The following CACNA1A variants were observed in gnomAD, a reference collection of about 807,000 sequenced individuals.
CACNA1A encodes voltage-dependent P/Q-type calcium channel subunit alpha-1A.
In CACNA1A, 57 loss-of-function variants were observed where a neutral mutation model predicts 262.4. The ratio of observed to expected loss-of-function variants is 0.22; its 90% confidence interval spans 0.18 to 0.27. The LOEUF is 0.27. Ranked by LOEUF, CACNA1A falls within the 10% of genes least tolerant of loss-of-function variation. The pLI is 1.00. For missense variants in CACNA1A, 2,526 were observed against 3,562.8 expected (o/e 0.71, Z 7.41); for synonymous variants, 1,431 against 1,419.3 (o/e 1.01, Z -0.18).
At chr19:13,369,705 T>C (rs896903121) in intron 4 of CACNA1A, among the ~76,000 whole-genome samples, 4 of 152,260 alleles carry the variant, frequency 2.6e-5, no homozygotes, top group African/African-American at 9.6e-5. Context: ...GGTCACACTT[T>C]GTTGCCCAGG....
chr19:13,238,153 C>T (rs1242665600), intron 31 of CACNA1A, among the ~76,000 whole-genome samples: 1 of 152,162 alleles, frequency 6.6e-6, no homozygotes, highest in African/African-American at 2.4e-5. Flanking sequence ...TCCATCTCTT[C>T]CTGCATCAGT....
Position 13,359,627 on chromosome 19 carries a change from C to A in CACNA1A, c.957G>T (p.Gly319=). The change falls in exon 6 of 47, where the codon GGG becomes GGT. Residue 319 remains glycine (G), a synonymous_variant. Transcript: ENST00000360228. The part of the protein sequence containing the change: ...LTVFQCITME[G]WTDLLYNSND... Reference sequence around the variant, plus strand: ...TTACATTGTAGAGGAGATCAGTCCACCCTTCCATGGTTATGCACTGGAAAA... The same window carrying A: ...TTACATTGTAGAGGAGATCAGTCCAACCTTCCATGGTTATGCACTGGAAAA... 6.2e-7 allele frequency: 1 copy of A among 1,611,436 alleles called. No homozygotes were observed. Among genetic ancestry groups the A allele is most frequent in the Admixed American group, 1.7e-5 (1 of 59,720 alleles).
chr19:13,397,398 A>T (rs1290050390), intron 3 of CACNA1A, among the ~76,000 whole-genome samples: 1 of 152,184 alleles, frequency 6.6e-6, no homozygotes, highest in Non-Finnish European at 1.5e-5. Context: ...AGAACTCAGG[A>T]GTGTCCCTTA....
intron 3 of CACNA1A, among the ~76,000 whole-genome samples, chr19:13,428,508 C>T (rs75986481): frequency 1.3e-5 from 2 of 152,268 alleles, no homozygotes; most frequent in Non-Finnish European, 2.9e-5. Flanking sequence ...GTAACAAAAA[C>T]CATGACTACC....
At chr19:13,230,271 G>C (rs532707172) in intron 35 of CACNA1A, 62 bp from the exon 36 acceptor site, 12 of 1,583,522 alleles carry the variant, frequency 7.6e-6, no homozygotes, top group Non-Finnish European at 1.0e-5. Flanking sequence ...GAATGAGTGA[G>C]TGAGAAGGAT....
intron 22 of CACNA1A, among the ~76,000 whole-genome samples, chr19:13,281,449 C>T (rs1235013295): frequency 6.7e-6 from 1 of 150,020 alleles, no homozygotes; most frequent in Non-Finnish European, 1.5e-5. Flanking sequence ...ATTCCAGAAG[C>T]TGGGGTCGTG....
intron 1 of CACNA1A, among the ~76,000 whole-genome samples, chr19:13,470,058 T>C (rs992583515): frequency 1.3e-5 from 2 of 152,210 alleles, no homozygotes; most frequent in Non-Finnish European, 2.9e-5. Context: ...TAAACTCAAA[T>C]GGGCATTTGA....
At chr19:13,449,078 C>T (rs1038762217) in intron 3 of CACNA1A, among the ~76,000 whole-genome samples, 3 of 151,906 alleles carry the variant, frequency 2.0e-5, no homozygotes, top group Admixed American at 6.6e-5. Flanking sequence ...GTGATCCTCC[C>T]ACCTCAGCCT....
chr19:13,461,288 C>T (rs1245360954), intron 1 of CACNA1A, among the ~76,000 whole-genome samples: 1 of 152,022 alleles, frequency 6.6e-6, no homozygotes, highest in East Asian at 1.9e-4. Flanking sequence ...TGCAGTGAGC[C>T]GAGATAACGC....
chr19:13,298,809 T>C lies in CACNA1A; in HGVS notation c.2824A>G (p.Ser942Gly). Residue 942 changes from serine to glycine, a missense_variant, in exon 19 of 47, where the codon AGC becomes GGC. Coordinates refer to ENST00000360228, the MANE Select transcript of CACNA1A (RefSeq NM_001127222.2). Reference sequence around the variant, plus strand: ...CCCGTGCGCGGGGACCCGCTGCGGCTCTCCCTGCTGCCCCCCTGCCGGTGC... The same window carrying C: ...CCCGTGCGCGGGGACCCGCTGCGGCCCTCCCTGCTGCCCCCCTGCCGGTGC... ...HVHRQGGSRE[S>G]RSGSPRTGAD... The C allele has an allele frequency of 6.4e-7, 1 of 1,563,398 alleles. No individual in the cohort carries two copies. The highest frequency in any genetic ancestry group is 8.6e-7 in the Non-Finnish European group (1 of 1,165,884).
At chr19:13,302,522 C>CA (rs958041022) in intron 17 of CACNA1A, among the ~76,000 whole-genome samples, 4 of 152,270 alleles carry the variant, frequency 2.6e-5, no homozygotes, top group African/African-American at 9.6e-5. Flanking sequence ...ATTAAATGAC[C>CA]AAGAAATGCT....
chr19:13,419,780 T>C (rs774199921), intron 3 of CACNA1A, among the ~76,000 whole-genome samples: 4 of 151,820 alleles, frequency 2.6e-5, no homozygotes, highest in African/African-American at 4.8e-5. Flanking sequence ...CAAGTAAGAA[T>C]GCTGTTAAAA....
chr19:13,381,809 A>G (rs1195242507), intron 3 of CACNA1A, among the ~76,000 whole-genome samples: 1 of 152,220 alleles, frequency 6.6e-6, no homozygotes, highest in Non-Finnish European at 1.5e-5. Context: ...TGGCTGAAGC[A>G]GAGCGAGCAA....
chr19:13,255,387 C>T (rs999667920), intron 28 of CACNA1A, 128 bp from the exon 29 acceptor site: 5 of 797,150 alleles, frequency 6.3e-6, no homozygotes, highest in Admixed American at 3.1e-5. Flanking sequence ...CTCTTGCCCC[C>T]AGCCAGGATT....
intron 6 of CACNA1A, among the ~76,000 whole-genome samples, chr19:13,351,158 T>A (rs2058901508): frequency 6.6e-6 from 1 of 152,174 alleles, no homozygotes; most frequent in Non-Finnish European, 1.5e-5. Context: ...CTTTACCTAC[T>A]CTATTCTTCG....
At chr19:13,423,049 T>C (rs945342103) in intron 3 of CACNA1A, among the ~76,000 whole-genome samples, 3 of 152,232 alleles carry the variant, frequency 2.0e-5, no homozygotes, top group African/African-American at 7.2e-5. Context: ...AGAGTGGTCT[T>C]GGAGAACCCT....
In CACNA1A at chr19:13,212,183, A is replaced by G. The variant is rs1406095539; in HGVS notation, c.6223T>C (p.Tyr2075His). ...VEMREMGRDG[Y>H]SDSEHYLPME... ...GGGAGGTAGTGCTCGCTGTCGGAGTAGCCATCTCTGCCCATCTCTCGCATC... is the reference window on the plus strand; with the variant it reads ...GGGAGGTAGTGCTCGCTGTCGGAGTGGCCATCTCTGCCCATCTCTCGCATC... The change falls in exon 43 of 47, where the codon TAC (tyrosine) becomes CAC (histidine). Residue 2075 changes from tyrosine (Y) to histidine (H), a missense_variant. By Grantham distance (83) the Tyr-to-His change is moderately conservative. Transcript: ENST00000360228. This position sits in a 1 kb window ranked among gnomAD's most constrained non-coding sequence, Gnocchi z 5.6. The G allele has an allele frequency of 1.2e-6, 2 of 1,613,786 alleles. No homozygotes were observed. Among genetic ancestry groups the G allele is most frequent in the African/African-American group, 1.3e-5 (1 of 74,916 alleles).
intron 1 of CACNA1A, among the ~76,000 whole-genome samples, chr19:13,465,216 C>A (rs931187179): frequency 6.6e-6 from 1 of 152,152 alleles, no homozygotes; most frequent in Admixed American, 6.5e-5. Context: ...CAGGCATGAG[C>A]CACCGCGTCC....
At chr19:13,476,553 G>A (rs1486218603) in intron 1 of CACNA1A, among the ~76,000 whole-genome samples, 1 of 152,166 alleles carries the variant, frequency 6.6e-6, no homozygotes, top group Non-Finnish European at 1.5e-5. Context: ...GAAGCTGGGG[G>A]AAGGGAGAAA....
Sources: gnomAD v4.1 joint callset for allele counts (sites outside exome capture counted in the v4.1 genomes callset) on GRCh38, gnomAD v4.1.1 for gene constraint, Gnocchi (gnomAD v3.1) non-coding constraint, MANE v1.5 for transcripts, NCBI Gene and HGNC (gene_info 2026-07-23, HGNC 2026-07-21) for gene names.